SMYD3: variants seen among roughly 807,000 people sequenced by gnomAD.
SMYD3 encodes histone-lysine N-methyltransferase SMYD3.
Under a neutral mutation model 57.7 loss-of-function variants are expected in SMYD3, and 36 were observed. The ratio of observed to expected loss-of-function variants is 0.62; its 90% CI spans 0.48 to 0.82. The LOEUF is 0.82. Among genes scored for constraint, SMYD3 ranks in the 40% least tolerant of loss-of-function variants. SMYD3 has a pLI of 0.00. For missense variants in SMYD3, 515 were observed against 538.8 expected, an observed-to-expected ratio of 0.96 and a Z score of 0.44; for synonymous variants, 211 against 195.0, an observed-to-expected ratio of 1.08 and a Z score of -0.68.
chr1:245,920,058 A>C (rs145432054), intron 7 of SMYD3, among the ~76,000 whole-genome samples: 1,564 of 151,914 alleles, frequency 0.01, 9 homozygotes, highest in Non-Finnish European at 0.016. Context: ...TCACGCCTGT[A>C]ATCCCAGCAC....
intron 5 of SMYD3, among the ~76,000 whole-genome samples, chr1:246,038,852 C>G (rs1269778167): frequency 6.6e-6 from 1 of 151,984 alleles, no homozygotes; most frequent in African/African-American, 2.4e-5. Flanking sequence ...AAATTTAAAA[C>G]AAATATCTTT....
intron 5 of SMYD3, among the ~76,000 whole-genome samples, chr1:245,958,440 G>A (rs1322943100): frequency 6.6e-6 from 1 of 152,054 alleles, no homozygotes; most frequent in Admixed American, 6.6e-5. Flanking sequence ...CTAAAGTGCT[G>A]TGCTGATGAA....
Position 246,190,539 on chromosome 1 carries a change from C to T in SMYD3, c.531+136662G>A, listed in dbSNP as rs1043953504. Reference sequence around the variant, plus strand: ...GGCAGAGGTTGCAGTGGGCCAAGATCGTGCCATTGCACTCCAACCTAGGTG... The same window carrying T: ...GGCAGAGGTTGCAGTGGGCCAAGATTGTGCCATTGCACTCCAACCTAGGTG... On this transcript the variant is annotated intron_variant, in intron 5 of 11. Transcript: ENST00000490107. Among the ~76,000 whole-genome samples the T allele has an allele frequency of 6.7e-4, 84 of 126,252 alleles. 2 individuals carry two copies. Among genetic ancestry groups the T allele is most frequent in the Middle Eastern group, 0.01 (2 of 192 alleles). The allele number at this position is 126,252 out of a possible 152,430, so 82.8% of individuals were successfully genotyped here.
chr1:246,160,437 C>T (rs1432193634), intron 5 of SMYD3, among the ~76,000 whole-genome samples: 2 of 152,134 alleles, frequency 1.3e-5, no homozygotes, highest in East Asian at 1.9e-4. Flanking sequence ...TCTGAGATAC[C>T]TGGGGAGGGA....
At chr1:245,825,827 A>G (rs1233152987) in intron 10 of SMYD3, among the ~76,000 whole-genome samples, 2 of 151,036 alleles carry the variant, frequency 1.3e-5, no homozygotes, top group Non-Finnish European at 2.9e-5. Flanking sequence ...ACAGAAATCT[A>G]AAGTTTAGAA....
At chr1:246,298,639 C>T (rs2064838020) in intron 5 of SMYD3, among the ~76,000 whole-genome samples, 1 of 151,866 alleles carries the variant, frequency 6.6e-6, no homozygotes, top group Non-Finnish European at 1.5e-5. Flanking sequence ...AAGATTGTAC[C>T]AAAAGCTATC....
intron 1 of SMYD3, among the ~76,000 whole-genome samples, chr1:246,443,643 A>G (rs143886306): frequency 6.6e-6 from 1 of 152,164 alleles, no homozygotes; most frequent in Non-Finnish European, 1.5e-5. Context: ...GGAACCTAAC[A>G]CCAATTTTTT....
chr1:246,502,002 G>T (rs2068463304), intron 1 of SMYD3, among the ~76,000 whole-genome samples: 1 of 152,084 alleles, frequency 6.6e-6, no homozygotes, highest in Admixed American at 6.6e-5. Flanking sequence ...CATATATGAA[G>T]ATGTTCCCTT....
At chr1:246,435,587 G>A (rs1264350485) in intron 1 of SMYD3, among the ~76,000 whole-genome samples, 5 of 151,750 alleles carry the variant, frequency 3.3e-5, no homozygotes, top group Non-Finnish European at 7.4e-5. Flanking sequence ...TCAGGACAAA[G>A]CCACTGCTTT....
At chr1:245,927,803 A>G (rs2147836506) in intron 7 of SMYD3, 128 bp downstream of exon 7, 1 of 696,106 alleles carries the variant, frequency 1.4e-6, no homozygotes, top group Non-Finnish European at 2.5e-6. Flanking sequence ...CTGAACTACA[A>G]ATACTCTCAC....
intron 1 of SMYD3, among the ~76,000 whole-genome samples, chr1:246,428,593 T>C (rs1358382395): frequency 1.3e-5 from 2 of 152,252 alleles, no homozygotes; most frequent in African/African-American, 4.8e-5. Flanking sequence ...AGAGCATCTA[T>C]TACATTTGCC....
chr1:246,376,875 G>A lies in SMYD3; in HGVS notation c.165-21781C>T, dbSNP rs917392227. Among the ~76,000 whole-genome samples the A allele has an allele frequency of 1.8e-4, 27 of 152,024 alleles. No homozygotes were observed. The East Asian group carries it at 3.5e-3, about 20-fold the overall frequency. ...AGCACTTTGGGAGGCTGAGGTGGGCGGATCACCTGAGGTCAGGAGTTCAAG... is the reference window on the plus strand; with the variant it reads ...AGCACTTTGGGAGGCTGAGGTGGGCAGATCACCTGAGGTCAGGAGTTCAAG... On this transcript the variant is annotated intron_variant, in intron 1 of 11. Transcript: ENST00000490107.
chr1:246,300,128 A>T (rs141420512), intron 5 of SMYD3, among the ~76,000 whole-genome samples: 2 of 152,268 alleles, frequency 1.3e-5, no homozygotes, highest in African/African-American at 4.8e-5. Flanking sequence ...TACTAAATAA[A>T]GATATAAATG....
chr1:246,424,234 A>T (rs2067185919), intron 1 of SMYD3, among the ~76,000 whole-genome samples: 1 of 152,174 alleles, frequency 6.6e-6, no homozygotes, highest in African/African-American at 2.4e-5. Flanking sequence ...TAAGGTTCTT[A>T]CATTATATAT....
rs147765880 is a variant in SMYD3, at chr1:246,369,629, T to C, written c.165-14535A>G. Among the ~76,000 whole-genome samples the C allele has an allele frequency of 3.7e-3, 557 of 152,186 alleles. 3 individuals carry two copies. Among genetic ancestry groups the C allele is most frequent in the African/African-American group, 0.012 (517 of 41,514 alleles). ...GAAGCCTCTACCTCCCAGGCTCAGG[T>C]GATTCTCCTACCTCAGCCTCCCAAG... On this transcript the variant is annotated intron_variant, in intron 1 of 11. Coordinates refer to ENST00000490107, the MANE Select transcript of SMYD3 (RefSeq NM_001167740.2).
intron 5 of SMYD3, among the ~76,000 whole-genome samples, chr1:245,969,463 G>A (rs1032384116): frequency 4.6e-5 from 7 of 152,244 alleles, no homozygotes; most frequent in Non-Finnish European, 1.0e-4. Flanking sequence ...GAGTCTCATA[G>A]CCAGGGTATT....
intron 5 of SMYD3, among the ~76,000 whole-genome samples, chr1:246,078,284 G>A (rs550789906): frequency 6.6e-6 from 1 of 152,026 alleles, no homozygotes; most frequent in East Asian, 1.9e-4. Context: ...CCCGAGACAC[G>A]AAGCCAACAT....
chr1:246,355,186 C>T lies in SMYD3; in HGVS notation c.165-92G>A, dbSNP rs948983829. The T allele has an allele frequency of 5.6e-5, 69 of 1,227,612 alleles. No homozygotes were observed. The African/African-American group carries it at 1.0e-3, about 18-fold the overall frequency. The allele number at this position is 1,227,612 out of a possible 1,614,324, so 76.0% of individuals were successfully genotyped here. ...GAAAACATAAGTCAACATACGGACA[C>T]CCGTATGTTCTGTTTACTCCATTAT... On this transcript the variant is annotated intron_variant, in intron 1 of 11. Coordinates refer to ENST00000490107, the MANE Select transcript of SMYD3 (RefSeq NM_001167740.2). The surrounding 1 kb of genome is among the most constrained non-coding windows in gnomAD (Gnocchi z 5.0).
At chr1:245,986,726 C>T (rs141583276) in intron 5 of SMYD3, among the ~76,000 whole-genome samples, 4 of 152,182 alleles carry the variant, frequency 2.6e-5, no homozygotes, top group South Asian at 2.1e-4. Context: ...GACCCACCCA[C>T]GCCCACATGC....
Sources: allele counts gnomAD v4.1 joint callset (sites outside exome capture counted in the v4.1 genomes callset), GRCh38; gene constraint gnomAD v4.1.1; non-coding constraint Gnocchi (gnomAD v3.1); transcripts MANE v1.5; gene names NCBI Gene and HGNC (gene_info 2026-07-23, HGNC 2026-07-21).